SLMAP: variants seen among roughly 807,000 people sequenced by gnomAD.
The protein encoded by SLMAP is sarcolemma associated protein.
SLMAP carries 44 observed loss-of-function variants against 128.8 expected under a neutral mutation model. That is an observed-to-expected ratio of 0.34 (90% CI 0.27 to 0.44). The LOEUF is 0.44. Among genes scored for constraint, SLMAP ranks in the 20% least tolerant of loss-of-function variants. The pLI is 1.00. For synonymous variants in SLMAP, 327 were observed against 348.8 expected (o/e 0.94, Z 0.70); for missense variants, 787 against 985.3 (o/e 0.80, Z 2.69).
intron 2 of SLMAP, among the ~76,000 whole-genome samples, chr3:57,787,909 G>A (rs1464244423): frequency 1.3e-5 from 2 of 152,200 alleles, no homozygotes; most frequent in Admixed American, 1.3e-4. Context: ...CCAATACTAG[G>A]AAATAATTGC....
rs1234510634 is a variant in SLMAP at position 57,877,917 on chromosome 3, C to CTCCA, written c.1300+6220_1300+6223dup. 2.7e-5 allele frequency among the ~76,000 whole-genome samples: 4 copies of CTCCA among 150,922 alleles called. No individual in the cohort carries two copies. The East Asian group carries it at 5.8e-4, about 22-fold the overall frequency. On this transcript the variant is annotated intron_variant, in intron 14 of 24. Coordinates refer to ENST00000671191, the MANE Select transcript of SLMAP (RefSeq NM_001377540.1). ...TGGCGTGATCTCGACTCACTGCAAC[C>CTCCA]TCCACCTCCTGGGTTCGAGCAATTC...
intron 2 of SLMAP, among the ~76,000 whole-genome samples, chr3:57,792,567 C>T (rs1160427323): frequency 1.3e-5 from 2 of 151,978 alleles, no homozygotes; most frequent in African/African-American, 4.8e-5. Context: ...TAAATTATAT[C>T]TTCATCTATA....
At chr3:57,759,648 C>G (rs889655424) in intron 2 of SLMAP, among the ~76,000 whole-genome samples, 1 of 152,190 alleles carries the variant, frequency 6.6e-6, no homozygotes, top group African/African-American at 2.4e-5. Context: ...CAGTTTACTA[C>G]TAAGTAGTGC....
intron 3 of SLMAP, 28 bp downstream of exon 3, chr3:57,831,558 A>G: frequency 7.1e-7 from 1 of 1,415,048 alleles, no homozygotes; most frequent in Non-Finnish European, 9.4e-7. Flanking sequence ...TTTTTTTATT[A>G]CTTGTCTTTT....
intron 5 of SLMAP, among the ~76,000 whole-genome samples, chr3:57,848,486 C>G (rs545379138): frequency 1.3e-5 from 2 of 149,338 alleles, no homozygotes; most frequent in Admixed American, 6.7e-5. Context: ...TCTTCGTCCT[C>G]CCTCCTCCTA....
At chr3:57,859,059 C>T (rs1202664871) in intron 8 of SLMAP, among the ~76,000 whole-genome samples, 3 of 152,216 alleles carry the variant, frequency 2.0e-5, no homozygotes, top group Non-Finnish European at 2.9e-5. Context: ...CACAGTGGCT[C>T]ATGCCTGTAA....
chr3:57,817,982 A>G (rs2092075701), intron 2 of SLMAP, among the ~76,000 whole-genome samples: 1 of 152,212 alleles, frequency 6.6e-6, no homozygotes, highest in Non-Finnish European at 1.5e-5. Context: ...TAAAATGAAC[A>G]GAATCCTTGC....
intron 8 of SLMAP, among the ~76,000 whole-genome samples, chr3:57,859,858 G>A (rs2094965209): frequency 6.6e-6 from 1 of 151,952 alleles, no homozygotes; most frequent in South Asian, 2.1e-4. Flanking sequence ...TAAAGGTATT[G>A]GAATAAAAAA....
chr3:57,884,974 T>G (rs772553698), intron 14 of SLMAP, among the ~76,000 whole-genome samples: 9 of 152,124 alleles, frequency 5.9e-5, no homozygotes, highest in Non-Finnish European at 1.3e-4. Flanking sequence ...GGAAATTCTT[T>G]CTTGACAAAG....
intron 3 of SLMAP, among the ~76,000 whole-genome samples, chr3:57,837,525 C>T (rs769677766): frequency 2.6e-5 from 4 of 152,112 alleles, no homozygotes; most frequent in Non-Finnish European, 2.9e-5. Context: ...CCCACCACCA[C>T]GTCCGGCTAA....
intron 2 of SLMAP, among the ~76,000 whole-genome samples, chr3:57,770,544 C>T (rs2080642734): frequency 6.6e-6 from 1 of 152,154 alleles, no homozygotes; most frequent in Admixed American, 6.5e-5. Context: ...TAGTCGAGAA[C>T]TGAAGGCAGA....
At chr3:57,806,088 G>A (rs527456008) in intron 2 of SLMAP, among the ~76,000 whole-genome samples, 23 of 151,478 alleles carry the variant, frequency 1.5e-4, no homozygotes, top group African/African-American at 5.1e-4. Flanking sequence ...AAGTGCAGAC[G>A]TGTAGGTTTG....
chr3:57,893,636 C>G (rs1398150928), intron 15 of SLMAP, among the ~76,000 whole-genome samples: 1 of 152,014 alleles, frequency 6.6e-6, no homozygotes, highest in African/African-American at 2.4e-5. Context: ...TATTTTAATC[C>G]TAAAATTGCC....
intron 3 of SLMAP, 72 bp downstream of exon 3, chr3:57,831,602 C>A: frequency 9.8e-7 from 1 of 1,020,288 alleles, no homozygotes; most frequent in Non-Finnish European, 1.4e-6. Flanking sequence ...TCTTACTTGA[C>A]ATTATGAAAC....
intron 2 of SLMAP, among the ~76,000 whole-genome samples, chr3:57,776,647 C>T (rs913551577): frequency 6.6e-5 from 10 of 151,676 alleles, no homozygotes; most frequent in Non-Finnish European, 1.5e-5. Flanking sequence ...CAGCCTCAGC[C>T]TCCCAAATAG....
Position 57,927,387 on chromosome 3 carries a change from G to T in SLMAP, c.*98G>T. 1 of 1,570,170 alleles carries T rather than the reference G, an allele frequency of 6.4e-7. No individual in the cohort carries two copies. On this transcript the variant is annotated 3_prime_UTR_variant, in exon 25 of 25. Transcript: ENST00000671191. ...CCAGGTCTGGCCAGAGCTTCTCCAT[G>T]AGAGCGTTCCTTGAGTCCGTACACC... is the stretch of plus-strand genomic sequence containing the variant.
At chr3:57,783,343 T>C (rs1407028111) in intron 2 of SLMAP, among the ~76,000 whole-genome samples, 1 of 152,098 alleles carries the variant, frequency 6.6e-6, no homozygotes, top group Non-Finnish European at 1.5e-5. Flanking sequence ...AAGAGAGAAA[T>C]ATCTTACTGG....
At chr3:57,793,487 G>A (rs191574128) in intron 2 of SLMAP, among the ~76,000 whole-genome samples, 27 of 152,256 alleles carry the variant, frequency 1.8e-4, no homozygotes, top group Admixed American at 1.8e-3. Context: ...CTAGTGTTCA[G>A]TATACCATCA....
At chr3:57,846,984 T>G (rs2094288469) in intron 4 of SLMAP, among the ~76,000 whole-genome samples, 1 of 152,218 alleles carries the variant, frequency 6.6e-6, no homozygotes, top group South Asian at 2.1e-4. Context: ...GAATTTGTTT[T>G]TAGAACTATA....
Sources: allele counts gnomAD v4.1 joint callset (sites outside exome capture counted in the v4.1 genomes callset), GRCh38; gene constraint gnomAD v4.1.1; transcripts MANE v1.5; gene names NCBI Gene and HGNC (gene_info 2026-07-23, HGNC 2026-07-21).